Variants in TMEM168 observed in about 807,000 individuals in gnomAD.
The protein encoded by TMEM168 is transmembrane protein 168.
A neutral mutation model predicts 53.2 loss-of-function variants in TMEM168; 40 were observed. That is an observed-to-expected ratio of 0.75 (90% CI 0.58 to 0.98). The LOEUF (loss-of-function observed/expected upper bound fraction) is 0.98. Ranked by LOEUF, TMEM168 falls within the 50% of genes least tolerant of loss-of-function variation. The pLI, the probability that TMEM168 is intolerant of heterozygous loss-of-function variation, is 0.00. For synonymous variants in TMEM168, 282 were observed against 293.0 expected, an observed-to-expected ratio of 0.96 and a Z score of 0.38; for missense variants, 771 against 828.8, an observed-to-expected ratio of 0.93 and a Z score of 0.86.
chr7:112,780,595 C>T (rs1443626408), intron 2 of TMEM168, among the ~76,000 whole-genome samples: 1 of 152,106 alleles, frequency 6.6e-6, no homozygotes, highest in Non-Finnish European at 1.5e-5. Flanking sequence ...CAGTGGCTCA[C>T]ACCTATAATC....
At chr7:112,788,978 A>G (rs1200147907) in intron 1 of TMEM168, among the ~76,000 whole-genome samples, 2 of 152,180 alleles carry the variant, frequency 1.3e-5, no homozygotes, top group African/African-American at 4.8e-5. Flanking sequence ...TTAGCAATAA[A>G]GTCAAAACTC....
chr7:112,770,558 T>C (rs1192746594), intron 4 of TMEM168, among the ~76,000 whole-genome samples: 1 of 152,110 alleles, frequency 6.6e-6, no homozygotes, highest in Non-Finnish European at 1.5e-5. Context: ...TCTTCAAAAA[T>C]TATTCCTAAC....
At chr7:112,779,306 C>T (rs1793170700) in intron 2 of TMEM168, among the ~76,000 whole-genome samples, 1 of 152,174 alleles carries the variant, frequency 6.6e-6, no homozygotes, top group African/African-American at 2.4e-5. Flanking sequence ...ATTATGATCA[C>T]ACACAAGTTA....
chr7:112,765,829 C>CA lies in TMEM168; in HGVS notation c.*1367dup, dbSNP rs1224702452. 33 of 152,486 alleles carry CA rather than the reference C, an allele frequency of 2.2e-4. No homozygotes were observed. Among genetic ancestry groups the CA allele is most frequent in the Non-Finnish European group, 4.7e-4 (32 of 67,980 alleles). 9.4% of individuals were successfully genotyped at this position (152,486 alleles called of 1,614,324 possible). A position where few individuals can be genotyped will look rare whatever the true frequency, so the allele number is the denominator to read the frequency against. On this transcript the variant is annotated 3_prime_UTR_variant, in exon 5 of 5. Coordinates refer to ENST00000312814, the MANE Select transcript of TMEM168 (RefSeq NM_022484.6). ...ACAATGCTGCATAGATAGTGGTATA[C>CA]AAGTTCCCTGACTCTAACTTCTTCC...
chr7:112,782,988 T>C (rs1464818613), intron 2 of TMEM168, among the ~76,000 whole-genome samples: 1 of 152,238 alleles, frequency 6.6e-6, no homozygotes, highest in Non-Finnish European at 1.5e-5. Flanking sequence ...CCGCACCCAC[T>C]ATAGTGCCTG....
At chr7:112,789,919 T>A (rs1199389015) in intron 1 of TMEM168, among the ~76,000 whole-genome samples, 1 of 152,216 alleles carries the variant, frequency 6.6e-6, no homozygotes, top group Non-Finnish European at 1.5e-5. Context: ...TCCACCATCC[T>A]CTGCCTCGGA....
intron 1 of TMEM168, among the ~76,000 whole-genome samples, chr7:112,787,328 A>C (rs1414411191): frequency 6.6e-6 from 1 of 151,584 alleles, no homozygotes; most frequent in Non-Finnish European, 1.5e-5. Context: ...ATGACCTGTA[A>C]ATTCCTAAAT....
At position 112,767,576 on chromosome 7, in the gene TMEM168, A is replaced by G. The variant is rs759754469; in HGVS notation, c.1715T>C (p.Ile572Thr). 1.2e-6 allele frequency: 2 copies of G among 1,614,092 alleles called. No individual in the cohort carries two copies. The highest frequency in any genetic ancestry group is 1.7e-6 in the Non-Finnish European group (2 of 1,180,012). Residue 572 changes from isoleucine (I) to threonine (T), a missense_variant, in exon 5 of 5, where the codon ATA becomes ACA. Physicochemically the swap from Ile to Thr is moderately conservative, Grantham distance 89. Transcript: ENST00000312814. ...QYIAVQGAEL[I>T]KTVDIEEADP... ...AGCTTCTTCAATATCTACTGTTTTTATCAACTCTGCTCCTTGCACTGCAAT... is the reference window on the plus strand; with the variant it reads ...AGCTTCTTCAATATCTACTGTTTTTGTCAACTCTGCTCCTTGCACTGCAAT...
chr7:112,770,791 T>A (rs1792912013), intron 4 of TMEM168, among the ~76,000 whole-genome samples: 1 of 152,116 alleles, frequency 6.6e-6, no homozygotes, highest in Admixed American at 6.6e-5. Context: ...AAGTAATAAA[T>A]CCTTCATATA....
rs936536962 is a variant in TMEM168, at chr7:112,774,071, A to G, written c.1272-1016T>C. ...CTATTTGGAGATTTTTATGTCAAAT[A>G]CTTGAAATTGGGAAAAAACTTTACT... On this transcript the variant is annotated intron_variant, in intron 3 of 4. Coordinates refer to ENST00000312814, the MANE Select transcript of TMEM168 (RefSeq NM_022484.6). 2.0e-5 allele frequency among the ~76,000 whole-genome samples: 3 copies of G among 152,200 alleles called. No homozygotes were observed. In the South Asian group the frequency reaches 6.2e-4, roughly 31 times the overall value.
rs531344918 is a variant in TMEM168 at position 112,766,170 on chromosome 7, A to G, written c.*1027T>C. 3.9e-5 allele frequency: 6 copies of G among 152,698 alleles called. No individual in the cohort carries two copies. The South Asian group carries it at 1.2e-3, about 32-fold the overall frequency. The allele number at this position is 152,698 out of a possible 1,614,324, so 9.5% of individuals were successfully genotyped here. ...ACAACCACAATATTATGCCTAACTA[A>G]AATTGCCAATATGAATACTTTTTTA... On this transcript the variant is annotated 3_prime_UTR_variant, in exon 5 of 5. Transcript: ENST00000312814.
At chr7:112,782,619 C>T (rs545779509) in intron 2 of TMEM168, among the ~76,000 whole-genome samples, 9 of 152,314 alleles carry the variant, frequency 5.9e-5, no homozygotes, top group African/African-American at 2.2e-4. Context: ...GGCTGACTCC[C>T]ACACAGGATC....
intron 1 of TMEM168, among the ~76,000 whole-genome samples, chr7:112,787,638 C>A (rs1233053727): frequency 1.3e-5 from 2 of 149,636 alleles, no homozygotes; most frequent in Non-Finnish European, 3.0e-5. Context: ...TGGTCTCAAA[C>A]TCCTGACCTC....
In TMEM168 at chr7:112,784,482, T is replaced by G; in HGVS notation, c.344A>C (p.Lys115Thr). The G allele has an allele frequency of 1.9e-6, 3 of 1,614,110 alleles. No individual in the cohort carries two copies. Among genetic ancestry groups the G allele is most frequent in the Non-Finnish European group, 2.5e-6 (3 of 1,179,988 alleles). The change falls in exon 2 of 5, where the codon AAA (lysine) becomes ACA (threonine). Residue 115 changes from lysine (K) to threonine (T), a missense_variant. Transcript: ENST00000312814. ...GGTTGATTCTTCTTTTACATCATTT[T>G]TAAAGGATGAATTATCAAGAAAACA... Reference protein sequence around the residue: ...LLCFLDNSSFKNDVKEESTKY... With the variant: ...LLCFLDNSSFTNDVKEESTKY...
In TMEM168 at chr7:112,765,735, A is replaced by T. The variant is rs543413256; in HGVS notation, c.*1462T>A. The T allele has an allele frequency of 2.0e-5, 3 of 152,726 alleles. No individual in the cohort carries two copies. Among genetic ancestry groups the T allele is most frequent in the African/African-American group, 7.2e-5 (3 of 41,588 alleles). The allele number at this position is 152,726 out of a possible 1,614,324, so 9.5% of individuals were successfully genotyped here. ...TTGCACATCATTAAATAAAAAATTAATTTTTAACAAAATTTTATTTAGAGC... is the reference window on the plus strand; with the variant it reads ...TTGCACATCATTAAATAAAAAATTATTTTTTAACAAAATTTTATTTAGAGC... On this transcript the variant is annotated 3_prime_UTR_variant, in exon 5 of 5. Coordinates refer to ENST00000312814, the MANE Select transcript of TMEM168 (RefSeq NM_022484.6).
Position 112,764,117 on chromosome 7 carries a change from T to TAA in TMEM168, c.*3078_*3079dup. On this transcript the variant is annotated 3_prime_UTR_variant, in exon 5 of 5. Coordinates refer to ENST00000312814, the MANE Select transcript of TMEM168 (RefSeq NM_022484.6). The stretch of plus-strand genomic sequence containing the variant: ...CTATTTGCACATGTACCCTAAAACT[T>TAA]AAAGTATAATAATAATAAAATTAAA... The TAA allele has an allele frequency of 6.8e-6, 1 of 147,556 alleles. No homozygotes were observed. Among genetic ancestry groups the TAA allele is most frequent in the East Asian group, 1.9e-4 (1 of 5,136 alleles). The allele number at this position is 147,556 out of a possible 1,614,324, so 9.1% of individuals were successfully genotyped here. A position where few individuals can be genotyped will look rare whatever the true frequency, so the allele number is the denominator to read the frequency against.
rs1367950580 is a variant in TMEM168, at chr7:112,767,387, A to C, written c.1904T>G (p.Val635Gly). The C allele has an allele frequency of 1.2e-6, 2 of 1,614,088 alleles. No homozygotes were observed. Among genetic ancestry groups the C allele is most frequent in the African/African-American group, 1.3e-5 (1 of 74,946 alleles). The change falls in exon 5 of 5, where the codon GTG becomes GGG. Residue 635 changes from valine to glycine, a missense_variant. Val to Gly is a moderately radical substitution (Grantham distance 109). Transcript: ENST00000312814. ...AAAGTGTAACATCCAGTGCTTGGCC[A>C]CATCGCTTCCCGTTGGCAAATGCAG... is the stretch of plus-strand genomic sequence containing the variant. ...YTLHLPTGSD[V>G]AKHWMLHFPR...
chr7:112,771,947 T>C (rs1450507059), intron 4 of TMEM168, among the ~76,000 whole-genome samples: 1 of 152,112 alleles, frequency 6.6e-6, no homozygotes, highest in Non-Finnish European at 1.5e-5. Context: ...AATGATTTCA[T>C]CTATCTATCA....
chr7:112,787,346 G>A (rs1252569512), intron 1 of TMEM168, among the ~76,000 whole-genome samples: 3 of 150,914 alleles, frequency 2.0e-5, no homozygotes, highest in Non-Finnish European at 4.4e-5. Flanking sequence ...AATCCAATGG[G>A]TACTTTTCAC....
Sources: allele counts gnomAD v4.1 joint callset (sites outside exome capture counted in the v4.1 genomes callset), GRCh38; gene constraint gnomAD v4.1.1; transcripts MANE v1.5; gene names NCBI Gene and HGNC (gene_info 2026-07-23, HGNC 2026-07-21).